The following FN1 variants were observed in gnomAD, a reference collection of about 807,000 sequenced individuals.
FN1 encodes fibronectin.
A neutral mutation model predicts 297.3 loss-of-function variants in FN1; 106 were observed. That is an observed-to-expected ratio of 0.36 (90% CI 0.30 to 0.42). The LOEUF is 0.42. Ranked by LOEUF, FN1 falls within the 10% of genes least tolerant of loss-of-function variation. FN1 has a pLI of 1.00. For missense variants in FN1, 2,690 were observed against 3,124.9 expected (o/e 0.86, Z 3.32); for synonymous variants, 1,149 against 1,152.6 (o/e 1.00, Z 0.06).
intron 41 of FN1, among the ~76,000 whole-genome samples, chr2:215,368,692 T>C (rs1024975391): frequency 6.6e-6 from 1 of 152,184 alleles, no homozygotes; most frequent in African/African-American, 2.4e-5. Flanking sequence ...ATTTTGGACA[T>C]TGTTATTATA....
At chr2:215,367,575 C>T in intron 42 of FN1, 1 of 427,786 alleles carries the variant, frequency 2.3e-6, no homozygotes. Flanking sequence ...AAGTCTTTAT[C>T]CATTTGTTTT....
intron 19 of FN1, among the ~76,000 whole-genome samples, chr2:215,405,208 T>C (rs2061618145): frequency 6.6e-6 from 1 of 152,242 alleles, no homozygotes; most frequent in Admixed American, 6.5e-5. Flanking sequence ...GTTTGCACTA[T>C]CAGAATCACA....
chr2:215,397,926 G>T, intron 21 of FN1, 78 bp from the exon 22 acceptor site: 1 of 1,254,464 alleles, frequency 8.0e-7, no homozygotes, highest in Non-Finnish European at 1.2e-6. Flanking sequence ...CTATGATTAT[G>T]CTTTAAATAG....
At position 215,436,042 on chromosome 2, in the gene FN1, C is replaced by G; in HGVS notation, c.-240G>C. On this transcript the variant is annotated 5_prime_UTR_variant, in exon 1 of 46. Transcript: ENST00000354785. ...CTCGCGCCTGGGGTTCCCTCTCCTC[C>G]CCCTGTGCAGCACAGCCGGCGCGGG... is the stretch of plus-strand genomic sequence containing the variant. 1.2e-6 allele frequency: 1 copy of G among 811,962 alleles called. No individual in the cohort carries two copies. Among genetic ancestry groups the G allele is most frequent in the South Asian group, 2.1e-5 (1 of 47,536 alleles). The allele number at this position is 811,962 out of a possible 1,614,324, so 50.3% of individuals were successfully genotyped here.
Position 215,375,719 on chromosome 2 carries a change from C to T in FN1, c.5888-1G>A, listed in dbSNP as rs779161439. 4 of 1,596,688 alleles carry T rather than the reference C, an allele frequency of 2.5e-6. No homozygotes were observed. The highest frequency in any genetic ancestry group is 2.6e-6 in the Non-Finnish European group (3 of 1,164,264). On this transcript the variant is annotated splice_acceptor_variant, in intron 36 of 45. Coordinates refer to ENST00000354785, the MANE Select transcript of FN1 (RefSeq NM_212482.4). LOFTEE classifies it high-confidence loss of function. The stretch of plus-strand genomic sequence containing the variant: ...TTGTAGTCAGTGCCTGGTTGTAAAC[C>T]TGGGATTTGAGAAGAGATGATTTTT...
intron 24 of FN1, among the ~76,000 whole-genome samples, chr2:215,393,990 G>A (rs2060017057): frequency 6.6e-6 from 1 of 152,184 alleles, no homozygotes; most frequent in African/African-American, 2.4e-5. Context: ...CCCTGAAGGT[G>A]TGACTTTTAC....
chr2:215,393,879 G>C (rs778994469), intron 24 of FN1, among the ~76,000 whole-genome samples: 1 of 152,176 alleles, frequency 6.6e-6, no homozygotes, highest in Non-Finnish European at 1.5e-5. Context: ...AGGGGGACAC[G>C]ATCTGTCCAA....
chr2:215,375,770 A>C, intron 36 of FN1, 52 bp from the exon 37 acceptor site: 1 of 1,217,478 alleles, frequency 8.2e-7, no homozygotes, highest in Non-Finnish European at 1.2e-6. Context: ...TTACTAGGAG[A>C]ATTCTCAAGC....
chr2:215,384,916 C>A lies in FN1; in HGVS notation c.4673G>T (p.Ser1558Ile). Reference protein sequence around the residue: ...VAATPTSLLISWDAPAVTVRY... With the variant: ...VAATPTSLLIIWDAPAVTVRY... ...CACTGTGACAGCAGGAGCATCCCAGCTGATCAGTAGGCTGGTGGGGGTCGC... is the reference window on the plus strand; with the variant it reads ...CACTGTGACAGCAGGAGCATCCCAGATGATCAGTAGGCTGGTGGGGGTCGC... The change falls in exon 29 of 46, where the codon AGC (serine) becomes ATC (isoleucine). Residue 1558 changes from serine (S) to isoleucine (I), a missense_variant. This residue lies in a region of FN1 where 1,743 missense variants were observed against 1,945.2 expected (regional missense o/e 0.90). Transcript: ENST00000354785. 2 of 1,614,050 alleles carry A rather than the reference C, an allele frequency of 1.2e-6. No homozygotes were observed. The highest frequency in any genetic ancestry group is 1.7e-6 in the Non-Finnish European group (2 of 1,179,964).
At chr2:215,420,867 A>G in intron 10 of FN1, 66 bp from the exon 11 acceptor site, 1 of 1,493,630 alleles carries the variant, frequency 6.7e-7, no homozygotes, top group East Asian at 2.3e-5. Context: ...GAAAAAAGGT[A>G]TGCTTCTCAA....
chr2:215,420,833 CT>C (rs764001980), intron 10 of FN1, 32 bp from the exon 11 acceptor site: 2 of 1,611,588 alleles, frequency 1.2e-6, no homozygotes, highest in South Asian at 1.1e-5. Flanking sequence ...GAGTGAGAAA[CT>C]TTTTAAAGTT....
Position 215,433,387 on chromosome 2 carries a change from A to C in FN1, c.352T>G (p.Ser118Ala), listed in dbSNP as rs757231578. 1.2e-5 allele frequency: 19 copies of C among 1,614,042 alleles called. 1 individual carries two copies. Among genetic ancestry groups the C allele is most frequent in the Admixed American group, 1.2e-4 (7 of 59,998 alleles). ...ATGCAGGTACAGTCCCAGATCATGG[A>C]GTCTTTAGGACGCTCATAAGTGTCA... ...VGDTYERPKD[S>A]MIWDCTCIGA... is the part of the protein sequence containing the mutation. The change falls in exon 3 of 46, where the codon TCC (serine) becomes GCC (alanine). Residue 118 changes from serine (S) to alanine (A), a missense_variant. By Grantham distance (99) the Ser-to-Ala change is moderately conservative. Around this residue, in one of 3 missense-constraint regions of FN1, gnomAD observed 876 missense variants for 1,058.1 expected, o/e 0.83. Coordinates refer to ENST00000354785, the MANE Select transcript of FN1 (RefSeq NM_212482.4).
intron 12 of FN1, 123 bp downstream of exon 12, chr2:215,419,119 A>G (rs1318414696): frequency 7.9e-6 from 6 of 762,328 alleles, no homozygotes; most frequent in East Asian, 2.7e-5. Flanking sequence ...ATTAGATAAT[A>G]ACAAGAGAAA....
At chr2:215,401,251 G>GAAAGAAAGA (rs1559475860) in intron 20 of FN1, among the ~76,000 whole-genome samples, 12 of 80,238 alleles carry the variant, frequency 1.5e-4, no homozygotes, top group African/African-American at 5.7e-4. Flanking sequence ...AGAAAGAAAG[G>GAAAGAAAGA]AAGAAAGAAA....
chr2:215,420,979 T>G (rs1007046437), intron 10 of FN1, 178 bp from the exon 11 acceptor site: 3 of 666,320 alleles, frequency 4.5e-6, no homozygotes, highest in Non-Finnish European at 7.5e-6. Flanking sequence ...AGTAATACAA[T>G]TTTTGCCAAA....
At chr2:215,433,151 C>T (rs960158237) in intron 3 of FN1, among the ~76,000 whole-genome samples, 173 bp downstream of exon 3, 1 of 152,142 alleles carries the variant, frequency 6.6e-6, no homozygotes, top group Non-Finnish European at 1.5e-5. Context: ...TGCTCATACC[C>T]GTCTTTAAGA....
intron 9 of FN1, among the ~76,000 whole-genome samples, 196 bp from the exon 10 acceptor site, chr2:215,422,439 C>A (rs1241476760): frequency 2.0e-5 from 3 of 152,062 alleles, no homozygotes; most frequent in Admixed American, 2.0e-4. Flanking sequence ...AAAACGTAGT[C>A]CAAACGTGTC....
intron 43 of FN1, 63 bp downstream of exon 43, chr2:215,365,442 A>G: frequency 6.5e-7 from 1 of 1,539,172 alleles, no homozygotes; most frequent in Non-Finnish European, 9.0e-7. Context: ...AATGAGAGTT[A>G]CAGCCTGATA....
chr2:215,367,053 C>G (rs1050748210), intron 42 of FN1, among the ~76,000 whole-genome samples: 1 of 152,100 alleles, frequency 6.6e-6, no homozygotes, highest in African/African-American at 2.4e-5. Context: ...TTTACCAAGT[C>G]TTATATTCTA....
Sources: allele counts gnomAD v4.1 joint callset (sites outside exome capture counted in the v4.1 genomes callset), GRCh38; gene constraint gnomAD v4.1.1; regional missense constraint gnomAD v4.1.1; transcripts MANE v1.5; gene names NCBI Gene and HGNC (gene_info 2026-07-23, HGNC 2026-07-21).